PDZRN4: variants seen among roughly 807,000 people sequenced by gnomAD.
The protein encoded by PDZRN4 is PDZ domain containing ring finger 4.
PDZRN4 carries 70 observed loss-of-function variants against 99.0 expected under a neutral mutation model. That is an observed-to-expected ratio of 0.71 (90% confidence interval 0.58 to 0.86). The LOEUF is 0.86. PDZRN4 is among the 40% of genes least tolerant of loss of function. The probability of loss-of-function intolerance (pLI) is 0.00; values close to 1 mark genes in which losing one functional copy is unlikely to be tolerated. For missense variants in PDZRN4, 1,474 were observed against 1,331.2 expected, an observed-to-expected ratio of 1.11 and a Z score of -1.67; for synonymous variants, 551 against 501.6, an observed-to-expected ratio of 1.10 and a Z score of -1.32.
At chr12:41,485,916 A>G (rs984058370) in intron 3 of PDZRN4, among the ~76,000 whole-genome samples, 4 of 152,172 alleles carry the variant, frequency 2.6e-5, no homozygotes, top group African/African-American at 9.7e-5. Context: ...TTAGTTAAAA[A>G]ATTTAACACT....
At chr12:41,521,266 A>T (rs1191585633) in intron 5 of PDZRN4, among the ~76,000 whole-genome samples, 1 of 152,128 alleles carries the variant, frequency 6.6e-6, no homozygotes, top group Non-Finnish European at 1.5e-5. Flanking sequence ...CATTCTGTAA[A>T]ACACATTGAC....
At chr12:41,528,113 A>G (rs1938600718) in intron 5 of PDZRN4, among the ~76,000 whole-genome samples, 1 of 152,204 alleles carries the variant, frequency 6.6e-6, no homozygotes, top group African/African-American at 2.4e-5. Flanking sequence ...GCCTACTTCT[A>G]AAATCCTAAA....
At position 41,464,921 on chromosome 12, in the gene PDZRN4, T is replaced by A. The variant is rs542512748; in HGVS notation, c.844-41535T>A. Among the ~76,000 whole-genome samples the A allele has an allele frequency of 3.6e-3, 542 of 150,150 alleles. 2 individuals carry two copies. Among genetic ancestry groups the A allele is most frequent in the African/African-American group, 0.013 (511 of 40,724 alleles). On this transcript the variant is annotated intron_variant, in intron 3 of 9. Transcript: ENST00000402685. ...CTCACTGCAACCCCCTCCTCCCAGG[T>A]TCAAGTGATTCTCCTGCCTCAGCCT...
intron 3 of PDZRN4, among the ~76,000 whole-genome samples, chr12:41,338,831 TCAAAAAAATCCCAGGAAATATCCAGGA>T (rs1186574995): frequency 1.3e-5 from 2 of 151,590 alleles, no homozygotes; most frequent in African/African-American, 4.8e-5. Context: ...AAATCTTTCA[TCAAAAAAATCCCAGGAAATATCCAGGA>T]TTAAACATAA....
In PDZRN4 at chr12:41,573,831, G is replaced by A. The variant is rs1939529957; in HGVS notation, c.3052G>A (p.Ala1018Thr). Residue 1018 changes from alanine (A) to threonine (T), a missense_variant, in exon 10 of 10, where the codon GCC becomes ACC. Coordinates refer to ENST00000402685, the MANE Select transcript of PDZRN4 (RefSeq NM_001164595.2). ...AATCCAAGAACTGATGACCCATGGG[G>A]CCAAGTCTCCAGATGGCACGAGAGT... ...MTIQELMTHG[A>T]KSPDGTRVHN... The A allele has an allele frequency of 6.2e-6, 10 of 1,607,458 alleles. No homozygotes were observed. The highest frequency in any genetic ancestry group is 1.3e-5 in the African/African-American group (1 of 74,476).
chr12:41,223,718 G>A (rs1209403702), intron 3 of PDZRN4, among the ~76,000 whole-genome samples: 4 of 152,166 alleles, frequency 2.6e-5, no homozygotes, highest in African/African-American at 9.7e-5. Context: ...AGCAGAGCTA[G>A]CAAGAGGCGG....
At chr12:41,511,327 A>G (rs919568417) in intron 5 of PDZRN4, among the ~76,000 whole-genome samples, 1 of 151,948 alleles carries the variant, frequency 6.6e-6, no homozygotes, top group African/African-American at 2.4e-5. Context: ...TTACATTTCT[A>G]TGGAGCTTAC....
At chr12:41,263,803 G>T (rs538402758) in intron 3 of PDZRN4, among the ~76,000 whole-genome samples, 1 of 152,218 alleles carries the variant, frequency 6.6e-6, no homozygotes, top group South Asian at 2.1e-4. Context: ...CAAGTTACTA[G>T]TATAAACTAT....
At chr12:41,306,611 C>T (rs1465101085) in intron 3 of PDZRN4, among the ~76,000 whole-genome samples, 2 of 152,132 alleles carry the variant, frequency 1.3e-5, no homozygotes, top group Non-Finnish European at 2.9e-5. Flanking sequence ...CATGCTTTCT[C>T]ATTTTTTGCA....
At chr12:41,404,463 C>A (rs879311607) in intron 3 of PDZRN4, among the ~76,000 whole-genome samples, 2 of 151,930 alleles carry the variant, frequency 1.3e-5, no homozygotes, top group Non-Finnish European at 2.9e-5. Context: ...AGGTGAAAGC[C>A]CTATACAAGG....
intron 3 of PDZRN4, among the ~76,000 whole-genome samples, chr12:41,502,016 A>C (rs1210339687): frequency 6.6e-6 from 1 of 152,140 alleles, no homozygotes; most frequent in African/African-American, 2.4e-5. Flanking sequence ...GTCTCGGGAC[A>C]ACCACATGTC....
intron 3 of PDZRN4, among the ~76,000 whole-genome samples, chr12:41,468,983 T>C (rs1357387687): frequency 1.3e-5 from 2 of 150,004 alleles, no homozygotes; most frequent in African/African-American, 2.5e-5. Flanking sequence ...CACTCTAGCC[T>C]GGGCGACAGA....
chr12:41,392,352 AC>A (rs1215010548), intron 3 of PDZRN4, among the ~76,000 whole-genome samples: 1 of 151,850 alleles, frequency 6.6e-6, no homozygotes, highest in Non-Finnish European at 1.5e-5. Context: ...TAAAAGACCT[AC>A]TCCTATCTCA....
intron 3 of PDZRN4, among the ~76,000 whole-genome samples, chr12:41,438,635 T>G (rs1043470579): frequency 1.3e-5 from 2 of 152,222 alleles, no homozygotes; most frequent in African/African-American, 4.8e-5. Context: ...AGAAATTAAT[T>G]TTGAGAGCTT....
Position 41,572,946 on chromosome 12 carries a change from G to A in PDZRN4, c.2167G>A (p.Asp723Asn), listed in dbSNP as rs752534927. The A allele has an allele frequency of 5.6e-6, 9 of 1,614,106 alleles. No individual in the cohort carries two copies. In the South Asian group the frequency reaches 8.8e-5, roughly 16 times the overall value. The change falls in exon 10 of 10, where the codon GAC becomes AAC. Residue 723 changes from aspartate (D) to asparagine (N), a missense_variant. Transcript: ENST00000402685. ...AGATATGCAAAGGGGAAAGCTAGATGACATCATGGAGCATCCAGAAAAGTC... is the reference window on the plus strand; with the variant it reads ...AGATATGCAAAGGGGAAAGCTAGATAACATCATGGAGCATCCAGAAAAGTC... Reference protein sequence around the residue: ...SIDMQRGKLDDIMEHPEKSDK... With the variant: ...SIDMQRGKLDNIMEHPEKSDK...
At chr12:41,455,021 CTATTG>C (rs1307881950) in intron 3 of PDZRN4, among the ~76,000 whole-genome samples, 2 of 152,182 alleles carry the variant, frequency 1.3e-5, no homozygotes, top group Non-Finnish European at 2.9e-5. Context: ...TGTGGCTAGA[CTATTG>C]TATTGGACAG....
At chr12:41,480,363 C>T (rs1220063099) in intron 3 of PDZRN4, among the ~76,000 whole-genome samples, 1 of 152,102 alleles carries the variant, frequency 6.6e-6, no homozygotes, top group Non-Finnish European at 1.5e-5. Context: ...GTATTCCCAC[C>T]TCTTTGTTCT....
intron 3 of PDZRN4, among the ~76,000 whole-genome samples, chr12:41,226,458 G>A (rs931342379): frequency 2.0e-5 from 3 of 151,984 alleles, no homozygotes; most frequent in Non-Finnish European, 4.4e-5. Flanking sequence ...GCAAAGACTG[G>A]TACCTAGAAG....
intron 7 of PDZRN4, among the ~76,000 whole-genome samples, chr12:41,560,613 C>T (rs1393594379): frequency 6.6e-6 from 1 of 152,190 alleles, no homozygotes; most frequent in East Asian, 1.9e-4. Flanking sequence ...TGTGACGTGA[C>T]TACTCATCTG....
Sources: allele counts gnomAD v4.1 joint callset (sites outside exome capture counted in the v4.1 genomes callset), GRCh38; gene constraint gnomAD v4.1.1; transcripts MANE v1.5; gene names NCBI Gene and HGNC (gene_info 2026-07-23, HGNC 2026-07-21).